Variants in IFNGR1 observed in about 807,000 individuals in gnomAD.
IFNGR1 encodes interferon gamma receptor 1, also known as AVP, type 2.
In IFNGR1, 23 loss-of-function variants were observed where a neutral mutation model predicts 35.4. The observed-to-expected ratio is 0.65, with a 90% confidence interval of 0.47 to 0.92. IFNGR1 has a LOEUF of 0.92. IFNGR1 is among the 40% of genes least tolerant of loss of function. IFNGR1 has a pLI of 0.00. For synonymous variants in IFNGR1, 199 were observed against 209.5 expected (o/e 0.95, Z 0.43); for missense variants, 533 against 583.4 (o/e 0.91, Z 0.89).
rs112481008 is a variant in IFNGR1 at position 137,217,375 on chromosome 6, A to T, written c.85+1868T>A. ...TTCAGCAAGGCATAGTGGGTGTATT[A>T]TTTTGTTGGCTCAACACCTGTACTT... On this transcript the variant is annotated intron_variant, in intron 1 of 6. Transcript: ENST00000367739. 7.5e-3 allele frequency among the ~76,000 whole-genome samples: 1,149 copies of T among 152,318 alleles called. 4 individuals carry two copies. The highest frequency in any genetic ancestry group is 0.013 in the Non-Finnish European group (903 of 68,030).
chr6:137,205,940 G>C (rs56059705), intron 3 of IFNGR1, among the ~76,000 whole-genome samples, 196 bp downstream of exon 3: 1 of 152,078 alleles, frequency 6.6e-6, no homozygotes, highest in Admixed American at 6.6e-5. Context: ...CCATGCTGGC[G>C]CTCAAAAAGT....
intron 2 of IFNGR1, chr6:137,206,595 TTTATA>T (rs898994845): frequency 7.5e-6 from 3 of 398,630 alleles, no homozygotes; most frequent in Non-Finnish European, 1.3e-5. Flanking sequence ...CTAAATTCCA[TTTATA>T]TATGTTAATT....
intron 1 of IFNGR1, among the ~76,000 whole-genome samples, chr6:137,214,841 AC>A (rs1419672912): frequency 6.6e-6 from 1 of 152,090 alleles, no homozygotes; most frequent in African/African-American, 2.4e-5. Context: ...AAAAAACCAA[AC>A]TTTTTTGTCT....
At chr6:137,202,602 TAC>T (rs3839519) in intron 5 of IFNGR1, among the ~76,000 whole-genome samples, 21,208 of 141,778 alleles carry the variant, frequency 0.15, 1,583 homozygotes, top group African/African-American at 0.2. Context: ...AATATATGTA[TAC>T]ACACACACAC....
intron 2 of IFNGR1, 134 bp from the exon 3 acceptor site, chr6:137,206,442 G>A (rs937684474): frequency 3.8e-5 from 25 of 655,880 alleles, no homozygotes; most frequent in African/African-American, 1.6e-4. Context: ...GGATGGAGAC[G>A]CCAGAGAAAG....
intron 3 of IFNGR1, among the ~76,000 whole-genome samples, chr6:137,205,437 G>GA (rs1779406139): frequency 6.6e-6 from 1 of 152,188 alleles, no homozygotes; most frequent in African/African-American, 2.4e-5. Context: ...TGAGGTGACA[G>GA]CAAACATCAG....
At chr6:137,202,646 A>ACAC (rs1779309329) in intron 5 of IFNGR1, among the ~76,000 whole-genome samples, 1 of 123,778 alleles carries the variant, frequency 8.1e-6, no homozygotes, top group Non-Finnish European at 1.8e-5. Context: ...CACACACACA[A>ACAC]AGATAATCAT....
At chr6:137,199,431 TTATAA>T (rs1488917199) in intron 6 of IFNGR1, among the ~76,000 whole-genome samples, 6 of 98,650 alleles carry the variant, frequency 6.1e-5, no homozygotes, top group South Asian at 3.8e-4. Flanking sequence ...AACATATAAT[TTATAA>T]TATAATATAT....
At chr6:137,199,772 TAGTAGCTC>T (rs965118697) in intron 6 of IFNGR1, among the ~76,000 whole-genome samples, 1 of 150,476 alleles carries the variant, frequency 6.6e-6, no homozygotes, top group African/African-American at 2.4e-5. Context: ...TTATAATTTT[TAGTAGCTC>T]ATATTATTTC....
Position 137,197,914 on chromosome 6 carries a change from T to G in IFNGR1, c.*117A>C. On this transcript the variant is annotated 3_prime_UTR_variant, in exon 7 of 7. Transcript: ENST00000367739. ...TACGCTTTCATGTACACTAAGTCACTCCATTTGGTTGATACCAACTAAGAT... is the reference window on the plus strand; with the variant it reads ...TACGCTTTCATGTACACTAAGTCACGCCATTTGGTTGATACCAACTAAGAT... 1 of 1,360,004 alleles carries G rather than the reference T, an allele frequency of 7.4e-7. No individual in the cohort carries two copies. The highest frequency in any genetic ancestry group is 1.0e-6 in the Non-Finnish European group (1 of 960,626). The allele number at this position is 1,360,004 out of a possible 1,614,324, so 84.2% of individuals were successfully genotyped here. A position where few individuals can be genotyped will look rare whatever the true frequency, so the allele number is the denominator to read the frequency against.
chr6:137,209,835 T>C (rs1779534365), intron 1 of IFNGR1: 1 of 398,734 alleles, frequency 2.5e-6, no homozygotes, highest in Non-Finnish European at 4.4e-6. Context: ...TTTTCTATAG[T>C]ACAGGAATAG....
At chr6:137,210,026 C>A in intron 1 of IFNGR1, 1 of 395,920 alleles carries the variant, frequency 2.5e-6, no homozygotes, top group Non-Finnish European at 4.5e-6. Flanking sequence ...ATTTTAACAT[C>A]TAATCAGACA....
At chr6:137,219,201 C>T in intron 1 of IFNGR1, 42 bp downstream of exon 1, 1 of 1,573,390 alleles carries the variant, frequency 6.4e-7, no homozygotes, top group South Asian at 1.2e-5. Flanking sequence ...CTCCCTCCCT[C>T]TCGTCCCGAC....
At chr6:137,205,264 G>A (rs1416088601) in intron 3 of IFNGR1, among the ~76,000 whole-genome samples, 2 of 152,274 alleles carry the variant, frequency 1.3e-5, no homozygotes, top group South Asian at 4.2e-4. Flanking sequence ...AAAGGCAGGA[G>A]CAGAGAAAGG....
intron 5 of IFNGR1, among the ~76,000 whole-genome samples, chr6:137,202,354 T>C (rs943913658): frequency 5.3e-5 from 8 of 152,190 alleles, no homozygotes; most frequent in Non-Finnish European, 1.5e-5. Flanking sequence ...TTATTTCAAA[T>C]TTTGAGCATT....
At chr6:137,204,737 A>G (rs1016463959) in intron 3 of IFNGR1, among the ~76,000 whole-genome samples, 2 of 152,194 alleles carry the variant, frequency 1.3e-5, no homozygotes, top group African/African-American at 4.8e-5. Context: ...CTGAATGCCT[A>G]TTTAGCAGTT....
intron 1 of IFNGR1, among the ~76,000 whole-genome samples, chr6:137,208,344 A>G (rs1386759423): frequency 6.6e-6 from 1 of 152,244 alleles, no homozygotes; most frequent in Non-Finnish European, 1.5e-5. Context: ...GTGCATAAGT[A>G]GCAAGAAGCC....
rs202070612 is a variant in IFNGR1 at position 137,207,115 on chromosome 6, G to A, written c.86-38C>T. The A allele has an allele frequency of 1.7e-5, 27 of 1,610,334 alleles. No homozygotes were observed. The African/African-American group carries it at 3.3e-4, about 20-fold the overall frequency. On this transcript the variant is annotated intron_variant, in intron 1 of 6. Transcript: ENST00000367739. Reference sequence around the variant, plus strand: ...AAAAAAGTAAAAGGGACAATTGTAAGAAACTAACATTAATATTGGAAAGCC... The same window carrying A: ...AAAAAAGTAAAAGGGACAATTGTAAAAAACTAACATTAATATTGGAAAGCC...
At chr6:137,199,080 A>G (rs1779174022) in intron 6 of IFNGR1, among the ~76,000 whole-genome samples, 1 of 151,710 alleles carries the variant, frequency 6.6e-6, no homozygotes, top group South Asian at 2.1e-4. Flanking sequence ...AAAATGTGAA[A>G]AGAGAGACTG....
Sources: allele counts gnomAD v4.1 joint callset (sites outside exome capture counted in the v4.1 genomes callset), GRCh38; gene constraint gnomAD v4.1.1; transcripts MANE v1.5; gene names NCBI Gene and HGNC (gene_info 2026-07-23, HGNC 2026-07-21).